TMTC2: variants seen among roughly 807,000 people sequenced by gnomAD.
The protein encoded by TMTC2 is transmembrane O-mannosyltransferase targeting cadherins 2.
In TMTC2, 43 loss-of-function variants were observed where a neutral mutation model predicts 82.4. That is an observed-to-expected ratio of 0.52 (90% confidence interval 0.41 to 0.67). TMTC2 has a LOEUF of 0.67. Among genes scored for constraint, TMTC2 ranks in the 30% least tolerant of loss-of-function variants. TMTC2 has a pLI of 0.00. For synonymous variants in TMTC2, 408 were observed against 381.9 expected (o/e 1.07, Z -0.80); for missense variants, 919 against 1,012.4 (o/e 0.91, Z 1.25).
At chr12:83,128,649 T>C (rs1383038981) in intron 11 of TMTC2, among the ~76,000 whole-genome samples, 1 of 152,158 alleles carries the variant, frequency 6.6e-6, no homozygotes, top group East Asian at 1.9e-4. Flanking sequence ...CTGGGTTTCT[T>C]GTTAAAATTT....
At chr12:82,732,998 G>T (rs1874905819) in intron 1 of TMTC2, among the ~76,000 whole-genome samples, 1 of 152,152 alleles carries the variant, frequency 6.6e-6, no homozygotes, top group African/African-American at 2.4e-5. Context: ...ACAATTATAG[G>T]CATTGACTAA....
intron 3 of TMTC2, among the ~76,000 whole-genome samples, chr12:82,919,744 C>G (rs1372939806): frequency 3.3e-5 from 5 of 152,152 alleles, no homozygotes; most frequent in African/African-American, 1.2e-4. Context: ...GAAAACAATA[C>G]GAAGTCTTAA....
intron 9 of TMTC2, among the ~76,000 whole-genome samples, chr12:83,032,850 T>G (rs916981285): frequency 2.0e-5 from 3 of 152,150 alleles, no homozygotes; most frequent in Non-Finnish European, 4.4e-5. Context: ...CGTGAGCCAC[T>G]GCGCCCAGCC....
chr12:83,073,525 T>G (rs1326226443), intron 11 of TMTC2, among the ~76,000 whole-genome samples: 1 of 152,164 alleles, frequency 6.6e-6, no homozygotes, highest in Non-Finnish European at 1.5e-5. Context: ...TGTCTAGGTC[T>G]CTAGCAAGGC....
intron 1 of TMTC2, among the ~76,000 whole-genome samples, chr12:82,756,342 T>C (rs1464841303): frequency 6.6e-6 from 1 of 152,196 alleles, no homozygotes; most frequent in Non-Finnish European, 1.5e-5. Flanking sequence ...GCAGAGTAGC[T>C]GGGTTATTAC....
chr12:83,017,183 C>T (rs901871579), intron 8 of TMTC2, among the ~76,000 whole-genome samples: 7 of 152,114 alleles, frequency 4.6e-5, no homozygotes, highest in Admixed American at 4.6e-4. Flanking sequence ...AGTAAGACCT[C>T]ACTGATGTTG....
intron 8 of TMTC2, among the ~76,000 whole-genome samples, chr12:83,011,457 T>C (rs918988251): frequency 6.6e-6 from 1 of 152,242 alleles, no homozygotes; most frequent in African/African-American, 2.4e-5. Context: ...AAGGACTTGA[T>C]AGTCGTTAAC....
chr12:82,860,076 C>A (rs773419241), intron 2 of TMTC2, among the ~76,000 whole-genome samples: 2 of 152,070 alleles, frequency 1.3e-5, no homozygotes, highest in Non-Finnish European at 2.9e-5. Context: ...CGGGTTCAAG[C>A]GACTCTTCTG....
chr12:82,794,337 T>C (rs1878613530), intron 1 of TMTC2, among the ~76,000 whole-genome samples: 1 of 152,202 alleles, frequency 6.6e-6, no homozygotes, highest in African/African-American at 2.4e-5. Context: ...ACGTTTCCCC[T>C]CTTCCCCATC....
intron 1 of TMTC2, among the ~76,000 whole-genome samples, chr12:82,813,789 T>C (rs1361370236): frequency 2.0e-5 from 3 of 152,152 alleles, no homozygotes; most frequent in Admixed American, 1.3e-4. Context: ...TTAATGTTTA[T>C]GGTCATTCAT....
chr12:82,802,752 C>T (rs2137038426), intron 1 of TMTC2, among the ~76,000 whole-genome samples: 1 of 152,156 alleles, frequency 6.6e-6, no homozygotes, highest in South Asian at 2.1e-4. Flanking sequence ...AGGAAAAGAA[C>T]TGGTTGTAGA....
chr12:82,854,792 A>G lies in TMTC2; in HGVS notation c.84-2218A>G, dbSNP rs1293350374. Reference sequence around the variant, plus strand: ...ACTAGTTCTTATTAGTAGATAATATATGTATTATTATATGGATTAGCATGG... The same window carrying G: ...ACTAGTTCTTATTAGTAGATAATATGTGTATTATTATATGGATTAGCATGG... On this transcript the variant is annotated intron_variant, in intron 1 of 11. Coordinates refer to ENST00000321196, the MANE Select transcript of TMTC2 (RefSeq NM_152588.3). 2.6e-5 allele frequency among the ~76,000 whole-genome samples: 4 copies of G among 152,298 alleles called. No homozygotes were observed. The East Asian group carries it at 7.7e-4, about 29-fold the overall frequency.
At chr12:82,910,912 GCT>G (rs1255189637) in intron 3 of TMTC2, among the ~76,000 whole-genome samples, 3 of 150,318 alleles carry the variant, frequency 2.0e-5, no homozygotes, top group Non-Finnish European at 4.4e-5. Flanking sequence ...GCAGAGTCTC[GCT>G]CTGTCGCCCA....
At chr12:82,913,858 C>A (rs946000383) in intron 3 of TMTC2, among the ~76,000 whole-genome samples, 4 of 152,132 alleles carry the variant, frequency 2.6e-5, no homozygotes, top group African/African-American at 9.7e-5. Context: ...AAACAAATCC[C>A]TGCATACTCA....
chr12:82,757,077 T>TATAC (rs570248028), intron 1 of TMTC2, among the ~76,000 whole-genome samples: 196 of 152,326 alleles, frequency 1.3e-3, no homozygotes, highest in African/African-American at 4.6e-3. Context: ...ACTTTCACTG[T>TATAC]ATACATGGCT....
At chr12:82,785,153 T>C (rs1361362826) in intron 1 of TMTC2, among the ~76,000 whole-genome samples, 1 of 152,142 alleles carries the variant, frequency 6.6e-6, no homozygotes, top group Non-Finnish European at 1.5e-5. Context: ...GGCCTCTCTT[T>C]AGACCCGGAA....
At chr12:82,797,564 C>T (rs1342867709) in intron 1 of TMTC2, among the ~76,000 whole-genome samples, 1 of 152,022 alleles carries the variant, frequency 6.6e-6, no homozygotes, top group African/African-American at 2.4e-5. Flanking sequence ...ATAAAAAGGT[C>T]TAGGCAGACA....
intron 11 of TMTC2, among the ~76,000 whole-genome samples, chr12:83,080,353 A>G (rs889855647): frequency 1.3e-5 from 2 of 152,042 alleles, no homozygotes; most frequent in Admixed American, 1.3e-4. Flanking sequence ...AACCACTACT[A>G]CAGATTCACC....
At chr12:83,065,881 G>C (rs1346219833) in intron 11 of TMTC2, among the ~76,000 whole-genome samples, 1 of 151,890 alleles carries the variant, frequency 6.6e-6, no homozygotes, top group Non-Finnish European at 1.5e-5. Context: ...AAAGTCACCT[G>C]CTTTTACTTG....
Sources: allele counts gnomAD v4.1 joint callset (sites outside exome capture counted in the v4.1 genomes callset), GRCh38; gene constraint gnomAD v4.1.1; transcripts MANE v1.5; gene names NCBI Gene and HGNC (gene_info 2026-07-23, HGNC 2026-07-21).